Variants in WASHC2A observed in about 807,000 individuals in gnomAD.
WASHC2A encodes the protein WASH complex subunit FAM21A.
WASHC2A carries 82 observed loss-of-function variants against 140.3 expected under a neutral mutation model. The observed-to-expected ratio is 0.58, with a 90% CI of 0.49 to 0.70. The LOEUF is 0.70. Ranked by LOEUF, WASHC2A falls within the 30% of genes least tolerant of loss-of-function variation. The pLI is 0.00. For missense variants in WASHC2A, 985 were observed against 1,521.8 expected, an observed-to-expected ratio of 0.65 and a Z score of 5.87; for synonymous variants, 340 against 560.8, an observed-to-expected ratio of 0.61 and a Z score of 5.56.
rs1258971037 is a variant in WASHC2A at position 50,110,061 on chromosome 10, C to T, written c.1870-40C>T. The T allele has an allele frequency of 1.4e-4, 218 of 1,567,922 alleles. No homozygotes were observed. The African/African-American group carries it at 1.7e-3, about 12-fold the overall frequency. On this transcript the variant is annotated intron_variant, in intron 19 of 30. Transcript: ENST00000282633. Reference sequence around the variant, plus strand: ...CTGGGATTATAGGTATGAGCCACTGCGCCTGGCCTGGAGTTTTAATATATA... The same window carrying T: ...CTGGGATTATAGGTATGAGCCACTGTGCCTGGCCTGGAGTTTTAATATATA...
intron 2 of WASHC2A, among the ~76,000 whole-genome samples, chr10:50,069,105 C>T (rs1229545339): frequency 6.6e-6 from 1 of 151,682 alleles, no homozygotes; most frequent in Non-Finnish European, 1.5e-5. Flanking sequence ...TAGTGTTTTC[C>T]AATGTCACTT....
In WASHC2A at chr10:50,130,918, G is replaced by A. The variant is rs1157824157; in HGVS notation, c.3726G>A (p.Thr1242=). The change falls in exon 30 of 31, where the codon ACG becomes ACA. Residue 1242 remains threonine, a synonymous_variant. Transcript: ENST00000282633. ...TTAACAAGGATGATATATTTGCTACGGAAGCAATTAAACCCTCTCAGAAAA... is the reference window on the plus strand; with the variant it reads ...TTAACAAGGATGATATATTTGCTACAGAAGCAATTAAACCCTCTCAGAAAA... ...QDIFEDDIFA[T]EAIKPSQKTR... is the part of the protein sequence containing the mutation. 13 of 1,603,024 alleles carry A rather than the reference G, an allele frequency of 8.1e-6. No homozygotes were observed. Among genetic ancestry groups the A allele is most frequent in the East Asian group, 4.5e-5 (2 of 44,860 alleles).
chr10:50,132,436 C>G (rs1260421630), intron 30 of WASHC2A, among the ~76,000 whole-genome samples: 1 of 152,216 alleles, frequency 6.6e-6, no homozygotes, highest in East Asian at 1.9e-4. Flanking sequence ...TTTCCCTTTG[C>G]GTATTTTTAT....
intron 21 of WASHC2A, among the ~76,000 whole-genome samples, chr10:50,116,101 G>T (rs1171958334): frequency 1.0e-5 from 1 of 96,140 alleles, no homozygotes; most frequent in Non-Finnish European, 2.0e-5. Context: ...GGGCAACAGA[G>T]TGAGACTCCA....
chr10:50,127,874 C>G (rs1191316003), intron 28 of WASHC2A, 79 bp downstream of exon 28: 18 of 1,079,262 alleles, frequency 1.7e-5, no homozygotes, highest in Non-Finnish European at 2.5e-5. Flanking sequence ...TTATCAGTTG[C>G]ATACACAGCA....
rs1280812033 is a variant in WASHC2A, at chr10:50,095,727, G to C, written c.1369G>C (p.Asp457His). ...PTGLFDDDDG[D>H]DDDDFFSAPH... ...TGGCCTCTTTGATGATGATGATGGT[G>C]ATGATGATGACGACTTTTTCTCGGC... The change falls in exon 15 of 31, where the codon GAT (aspartate) becomes CAT (histidine). Residue 457 changes from aspartate to histidine, a missense_variant. Transcript: ENST00000282633. The C allele has an allele frequency of 2.5e-6, 4 of 1,611,132 alleles. No homozygotes were observed. Among genetic ancestry groups the C allele is most frequent in the Non-Finnish European group, 3.4e-6 (4 of 1,179,634 alleles).
At chr10:50,129,374 C>A (rs770373699) in intron 28 of WASHC2A, 45 bp from the exon 29 acceptor site, 4 of 1,611,918 alleles carry the variant, frequency 2.5e-6, no homozygotes, top group Non-Finnish European at 3.4e-6. Context: ...GCTTTGAACA[C>A]TTTATTTTAT....
At chr10:50,104,367 T>TC (rs1260846690) in intron 18 of WASHC2A, among the ~76,000 whole-genome samples, 1 of 74,504 alleles carries the variant, frequency 1.3e-5, no homozygotes, top group Non-Finnish European at 3.8e-5. Flanking sequence ...GATGCAGTTC[T>TC]TTTTTTTTTT....
chr10:50,103,654 T>C (rs1841459119), intron 17 of WASHC2A, among the ~76,000 whole-genome samples: 1 of 152,200 alleles, frequency 6.6e-6, no homozygotes, highest in Non-Finnish European at 1.5e-5. Context: ...ATCTAGCCCC[T>C]GTTTCTTTAT....
intron 17 of WASHC2A, 37 bp from the exon 18 acceptor site, chr10:50,104,005 T>A: frequency 5.3e-6 from 8 of 1,519,474 alleles, no homozygotes; most frequent in Non-Finnish European, 7.3e-6. Flanking sequence ...AAAACTGATA[T>A]TCCTGTTAAC....
intron 5 of WASHC2A, among the ~76,000 whole-genome samples, chr10:50,082,701 A>G (rs1589165373): frequency 1.4e-5 from 2 of 145,072 alleles, no homozygotes; most frequent in East Asian, 4.4e-4. Context: ...CTGGTCTTGA[A>G]CTCCTGACCT....
chr10:50,090,513 A>ATATAT (rs1222938483), intron 8 of WASHC2A, among the ~76,000 whole-genome samples: 7 of 68,514 alleles, frequency 1.0e-4, no homozygotes, highest in East Asian at 4.4e-4. Context: ...AAAAAAAAAA[A>ATATAT]AAATATATAT....
At chr10:50,126,692 C>T (rs1230182354) in intron 26 of WASHC2A, among the ~76,000 whole-genome samples, 254 of 151,970 alleles carry the variant, frequency 1.7e-3, no homozygotes, top group African/African-American at 5.8e-3. Context: ...CAGGGTGTCT[C>T]ACTGAAGCCT....
chr10:50,119,194 AT>A (rs1431693024), intron 22 of WASHC2A, among the ~76,000 whole-genome samples: 1 of 64,812 alleles, frequency 1.5e-5, no homozygotes, highest in Non-Finnish European at 3.2e-5. Context: ...GGGCTTATGT[AT>A]TAGTTAAATG....
At chr10:50,078,403 A>G (rs1554878724) in intron 3 of WASHC2A, among the ~76,000 whole-genome samples, 1 of 152,198 alleles carries the variant, frequency 6.6e-6, no homozygotes. Context: ...CTGTTTTTGC[A>G]ACTCTTGGTT....
At chr10:50,132,205 T>C (rs1479523016) in intron 30 of WASHC2A, among the ~76,000 whole-genome samples, 2 of 152,272 alleles carry the variant, frequency 1.3e-5, no homozygotes, top group African/African-American at 2.4e-5. Flanking sequence ...GCTGTGGTCT[T>C]TACCATTTGT....
intron 18 of WASHC2A, among the ~76,000 whole-genome samples, chr10:50,105,614 A>T (rs1329248772): frequency 1.3e-5 from 2 of 150,022 alleles, no homozygotes; most frequent in African/African-American, 4.9e-5. Context: ...TTCACATTCC[A>T]GGGCTGTTCA....
chr10:50,095,068 A>G (rs1840340211), intron 13 of WASHC2A, 80 bp from the exon 14 acceptor site: 6 of 1,604,180 alleles, frequency 3.7e-6, no homozygotes, highest in Non-Finnish European at 5.1e-6. Flanking sequence ...TGTGTTTTAC[A>G]TCGCACGTAT....
intron 16 of WASHC2A, among the ~76,000 whole-genome samples, chr10:50,099,529 C>T (rs1359899583): frequency 3.8e-4 from 58 of 151,412 alleles, no homozygotes; most frequent in African/African-American, 1.4e-3. Flanking sequence ...TGTGTGTCCC[C>T]AGCAGTCTTT....
Sources: gnomAD v4.1 joint callset for allele counts (sites outside exome capture counted in the v4.1 genomes callset) on GRCh38, gnomAD v4.1.1 for gene constraint, MANE v1.5 for transcripts, NCBI Gene and HGNC (gene_info 2026-07-23, HGNC 2026-07-21) for gene names.